SGK1: variants seen among roughly 807,000 people sequenced by gnomAD.
SGK1 encodes serine/threonine-protein kinase Sgk1.
SGK1 carries 26 observed loss-of-function variants against 64.2 expected under a neutral mutation model. The ratio of observed to expected loss-of-function variants is 0.40; its 90% CI spans 0.30 to 0.56. The LOEUF is 0.56. Among genes scored for constraint, SGK1 ranks in the 20% least tolerant of loss-of-function variants. The pLI is 0.38. For synonymous variants in SGK1, 265 were observed against 239.7 expected, an observed-to-expected ratio of 1.11 and a Z score of -0.98; for missense variants, 519 against 645.6, an observed-to-expected ratio of 0.80 and a Z score of 2.12.
chr6:134,210,569 T>TA (rs749458258), intron 2 of SGK1, among the ~76,000 whole-genome samples: 104 of 152,100 alleles, frequency 6.8e-4, no homozygotes, highest in Admixed American at 1.2e-3. Flanking sequence ...CTCACACCTG[T>TA]AATCCCAGCA....
chr6:134,292,930 G>C (rs1777288914), intron 1 of SGK1, among the ~76,000 whole-genome samples: 1 of 152,196 alleles, frequency 6.6e-6, no homozygotes, highest in South Asian at 2.1e-4. Context: ...AAAGACAAAA[G>C]AGGGAAATTA....
chr6:134,253,953 CTG>C (rs1776643011), intron 2 of SGK1, among the ~76,000 whole-genome samples: 1 of 152,078 alleles, frequency 6.6e-6, no homozygotes, highest in South Asian at 2.1e-4. Context: ...ACAGCGGACT[CTG>C]AGGAAATCCT....
intron 2 of SGK1, among the ~76,000 whole-genome samples, chr6:134,253,660 T>C (rs7743297): frequency 6.6e-6 from 1 of 151,966 alleles, no homozygotes; most frequent in African/African-American, 2.4e-5. Context: ...CTCAAAAAAA[T>C]AAAAAATTTT....
chr6:134,177,842 G>A (rs570715408), intron 3 of SGK1: 3 of 1,604,104 alleles, frequency 1.9e-6, no homozygotes, highest in Admixed American at 3.5e-5. Context: ...AGCCAGAGAC[G>A]GCTATCCCTG....
At chr6:134,300,374 T>A (rs575829558) in intron 1 of SGK1, among the ~76,000 whole-genome samples, 70 of 151,670 alleles carry the variant, frequency 4.6e-4, no homozygotes, top group African/African-American at 1.6e-3. Context: ...CCAACTCTAC[T>A]AAAAATTCAA....
In SGK1 at chr6:134,218,977, TTTTTTG is replaced by T. The variant is rs369209665; in HGVS notation, c.286-11552_286-11547del. Among the ~76,000 whole-genome samples, 148 of 151,986 alleles carry T rather than the reference TTTTTTG, an allele frequency of 9.7e-4. 1 individual carries two copies. The South Asian group carries it at 0.01, about 11-fold the overall frequency. ...CTTTTCAATGTACTAAAATGGCTGT[TTTTTTG>T]TTTTTGTTTTTGTTTTTGTGACAGA... On this transcript the variant is annotated intron_variant, in intron 2 of 13. Transcript: ENST00000367858.
At chr6:134,207,856 A>G (rs2082084258) in intron 2 of SGK1, among the ~76,000 whole-genome samples, 1 of 152,234 alleles carries the variant, frequency 6.6e-6, no homozygotes, top group South Asian at 2.1e-4. Flanking sequence ...TTTAGTACAT[A>G]TTGCTTGGGA....
At chr6:134,258,442 C>A (rs1270826341) in intron 2 of SGK1, among the ~76,000 whole-genome samples, 1 of 152,128 alleles carries the variant, frequency 6.6e-6, no homozygotes, top group East Asian at 1.9e-4. Context: ...TGGTGGCTCA[C>A]ACCTGTAATG....
Position 134,251,374 on chromosome 6 carries a change from G to A in SGK1, c.285+10559C>T, listed in dbSNP as rs557155847. Among the ~76,000 whole-genome samples, 89 of 152,112 alleles carry A rather than the reference G, an allele frequency of 5.9e-4. No individual in the cohort carries two copies. The South Asian group carries it at 0.016, about 27-fold the overall frequency. On this transcript the variant is annotated intron_variant, in intron 2 of 13. Coordinates refer to ENST00000367858, the MANE Select transcript of SGK1 (RefSeq NM_001143676.3). ...TACTAAAACAGGATATTATTTTAGTGGAAAATAGCCATATGGTTTCTGGGA... is the reference window on the plus strand; with the variant it reads ...TACTAAAACAGGATATTATTTTAGTAGAAAATAGCCATATGGTTTCTGGGA...
intron 1 of SGK1, among the ~76,000 whole-genome samples, chr6:134,299,845 T>C (rs944487360): frequency 1.4e-5 from 2 of 147,668 alleles, no homozygotes; most frequent in Non-Finnish European, 1.5e-5. Context: ...AGTCGGATAA[T>C]GAAATTTAAA....
At chr6:134,279,239 C>T (rs985328167) in intron 1 of SGK1, among the ~76,000 whole-genome samples, 2 of 152,012 alleles carry the variant, frequency 1.3e-5, no homozygotes, top group Admixed American at 6.6e-5. Context: ...CAAGACTAGC[C>T]TGGCCAACAT....
chr6:134,288,508 G>A (rs937873911), intron 1 of SGK1, among the ~76,000 whole-genome samples: 1 of 152,124 alleles, frequency 6.6e-6, no homozygotes, highest in African/African-American at 2.4e-5. Context: ...CTTTCTAATG[G>A]GCAAAGAGAT....
chr6:134,243,242 A>T (rs1334894457), intron 2 of SGK1, among the ~76,000 whole-genome samples: 2 of 152,174 alleles, frequency 1.3e-5, no homozygotes, highest in Non-Finnish European at 2.9e-5. Context: ...TTATTTCTAA[A>T]TTGTCTGAGA....
rs191257442 is a variant in SGK1, at chr6:134,201,787, G to A, written c.361+5569C>T. Reference sequence around the variant, plus strand: ...ATCCATTTACAGGCTCATAAGATTTGGTGTTGTGGATGGATGGCTATGGAG... The same window carrying A: ...ATCCATTTACAGGCTCATAAGATTTAGTGTTGTGGATGGATGGCTATGGAG... On this transcript the variant is annotated intron_variant, in intron 3 of 13. Coordinates refer to ENST00000367858, the MANE Select transcript of SGK1 (RefSeq NM_001143676.3). Among the ~76,000 whole-genome samples, 1,365 of 152,292 alleles carry A rather than the reference G, an allele frequency of 9.0e-3. 20 individuals are homozygous for A. The highest frequency in any genetic ancestry group is 6.6e-3 in the Non-Finnish European group (451 of 68,028).
intron 3 of SGK1, among the ~76,000 whole-genome samples, chr6:134,176,482 G>A (rs1775236501): frequency 6.6e-6 from 1 of 152,250 alleles, no homozygotes; most frequent in Non-Finnish European, 1.5e-5. Flanking sequence ...GGGAGCCGCA[G>A]CCTGACCGCC....
chr6:134,223,390 T>C lies in SGK1; in HGVS notation c.286-15959A>G, dbSNP rs532540898. Among the ~76,000 whole-genome samples, 206 of 151,330 alleles carry C rather than the reference T, an allele frequency of 1.4e-3. 1 individual carries two copies. Among genetic ancestry groups the C allele is most frequent in the African/African-American group, 4.8e-3 (197 of 41,274 alleles). On this transcript the variant is annotated intron_variant, in intron 2 of 13. Coordinates refer to ENST00000367858, the MANE Select transcript of SGK1 (RefSeq NM_001143676.3). ...TCTCAAAAAAAAAAAAGGGATAATA[T>C]AAGAAATGATTCTTAGGCCTAGGTT...
intron 1 of SGK1, among the ~76,000 whole-genome samples, chr6:134,265,352 C>T (rs9402578): frequency 0.1 from 15,681 of 151,564 alleles, 1,200 homozygotes; most frequent in East Asian, 0.38. Context: ...CCCAGCTACT[C>T]AGGAGGCTGA....
At chr6:134,192,610 C>A (rs1430395227) in intron 3 of SGK1, among the ~76,000 whole-genome samples, 1 of 151,312 alleles carries the variant, frequency 6.6e-6, no homozygotes, top group Non-Finnish European at 1.5e-5. Context: ...CCCCTCCCCC[C>A]ATTCTTTTGA....
At chr6:134,174,844 A>G in intron 3 of SGK1, 1 of 1,613,248 alleles carries the variant, frequency 6.2e-7, no homozygotes, top group Non-Finnish European at 8.5e-7. Context: ...TTAGCGCTCA[A>G]AGACCGGCTC....
Sources: allele counts gnomAD v4.1 joint callset (sites outside exome capture counted in the v4.1 genomes callset), GRCh38; gene constraint gnomAD v4.1.1; transcripts MANE v1.5; gene names NCBI Gene and HGNC (gene_info 2026-07-23, HGNC 2026-07-21).